XIRP2: variants seen among roughly 807,000 people sequenced by gnomAD.
The protein encoded by XIRP2 is xin actin-binding repeat-containing protein 2.
In XIRP2, 236 loss-of-function variants were observed where a neutral mutation model predicts 277.0. That is an observed-to-expected ratio of 0.85 (90% CI 0.77 to 0.95). XIRP2 has a LOEUF of 0.95. Among genes scored for constraint, XIRP2 ranks in the 40% least tolerant of loss-of-function variants. The pLI is 0.00. For synonymous variants in XIRP2, 1,490 were observed against 1,416.5 expected (o/e 1.05, Z -1.17); for missense variants, 4,640 against 4,157.5 (o/e 1.12, Z -3.19).
At chr2:166,936,845 A>G (rs1238705198) in intron 2 of XIRP2, among the ~76,000 whole-genome samples, 2 of 152,136 alleles carry the variant, frequency 1.3e-5, no homozygotes, top group Non-Finnish European at 1.5e-5. Context: ...GTCAGGTAGC[A>G]TGATGCCTCC....
At chr2:167,233,161 A>T (rs1694807432) in intron 5 of XIRP2, among the ~76,000 whole-genome samples, 1 of 151,972 alleles carries the variant, frequency 6.6e-6, no homozygotes, top group Non-Finnish European at 1.5e-5. Context: ...TTTCATGCCT[A>T]TAGAATGCAT....
chr2:167,250,403 A>G lies in XIRP2; in HGVS notation c.9011A>G (p.Asn3004Ser). Residue 3004 changes from asparagine (N) to serine (S), a missense_variant, in exon 9 of 11, where the codon AAT becomes AGT. Asn to Ser is a conservative substitution (Grantham distance 46). Coordinates refer to ENST00000409195, the MANE Select transcript of XIRP2 (RefSeq NM_152381.6). ...EYAVHIAMENNLEKVKEEITH... is the reference protein window; with the variant it reads ...EYAVHIAMENSLEKVKEEITH... ...GCAGTTCACATTGCCATGGAGAATA[A>G]TTTAGAAAAAGTAAAAGAAGAAATA... 1 of 1,613,558 alleles carries G rather than the reference A, an allele frequency of 6.2e-7. No individual in the cohort carries two copies. The highest frequency in any genetic ancestry group is 8.5e-7 in the Non-Finnish European group (1 of 1,179,690).
At chr2:167,097,241 A>G (rs918195327) in intron 2 of XIRP2, among the ~76,000 whole-genome samples, 1 of 152,186 alleles carries the variant, frequency 6.6e-6, no homozygotes, top group Non-Finnish European at 1.5e-5. Flanking sequence ...TATTAGGTGC[A>G]TATGTATTTG....
intron 2 of XIRP2, among the ~76,000 whole-genome samples, chr2:167,090,944 A>G (rs1234981939): frequency 6.6e-6 from 1 of 152,138 alleles, no homozygotes. Context: ...TTTGGTGAGG[A>G]CAAACAGACC....
In XIRP2 at chr2:167,254,111, A is replaced by G. The variant is rs767976685; in HGVS notation, c.10635A>G (p.Gln3545=). 1.2e-6 allele frequency: 2 copies of G among 1,610,986 alleles called. No homozygotes were observed. The highest frequency in any genetic ancestry group is 1.3e-5 in the African/African-American group (1 of 74,882). The change falls in exon 10 of 11, where the codon CAA becomes CAG. Residue 3545 remains glutamine (Q), a synonymous_variant. Transcript: ENST00000409195. Reference sequence around the variant, plus strand: ...CCAATGGAGTGCCTAGTGGCAGACAAGCAGAATTTTCATAAGTCCTGCTTC... The same window carrying G: ...CCAATGGAGTGCCTAGTGGCAGACAGGCAGAATTTTCATAAGTCCTGCTTC... ...SLSNGVPSGR[Q]AEFS is the part of the protein sequence containing the mutation.
At chr2:167,173,616 C>T (rs1230977624) in intron 3 of XIRP2, among the ~76,000 whole-genome samples, 2 of 152,136 alleles carry the variant, frequency 1.3e-5, no homozygotes, top group Non-Finnish European at 2.9e-5. Context: ...CTCTTCAATA[C>T]ATTGATTTCC....
Position 167,251,843 on chromosome 2 carries a change from G to A in XIRP2, c.10451G>A (p.Trp3484Ter), listed in dbSNP as rs1559046323. The A allele has an allele frequency of 6.2e-7, 1 of 1,612,918 alleles. No individual in the cohort carries two copies. The highest frequency in any genetic ancestry group is 8.5e-7 in the Non-Finnish European group (1 of 1,179,410). Residue 3484 changes from tryptophan (W) to a stop codon, truncating the protein, a stop_gained, in exon 9 of 11, where the codon TGG becomes TAG. Transcript: ENST00000409195. LOFTEE classifies it high-confidence loss of function. ...KEVRKNFQKTWQESGRVFKGL... is the reference protein window; with the variant it reads ...KEVRKNFQKT ...GTAAGAAAAAATTTTCAAAAGACGT[G>A]GCAAGAGAGTGGAAGAGTTTTTAAA...
At position 167,249,492 on chromosome 2, in the gene XIRP2, A is replaced by G. The variant is rs1288078793; in HGVS notation, c.8100A>G (p.Gln2700=). 3.7e-6 allele frequency: 6 copies of G among 1,613,738 alleles called. No individual in the cohort carries two copies. The highest frequency in any genetic ancestry group is 1.3e-5 in the African/African-American group (1 of 74,886). The change falls in exon 9 of 11, where the codon CAA becomes CAG. Residue 2700 remains glutamine (Q), a synonymous_variant. Transcript: ENST00000409195. ...KKYLEQLHLP[Q]SKPISPNFKV... ...ATTTGGAGCAGTTGCACTTGCCCCA[A>G]AGCAAACCAATTTCCCCAAATTTCA...
intron 2 of XIRP2, among the ~76,000 whole-genome samples, chr2:167,096,944 C>T (rs543635341): frequency 2.6e-5 from 4 of 152,056 alleles, no homozygotes; most frequent in African/African-American, 4.8e-5. Context: ...TTGCATTTGC[C>T]GAGGAGTGTT....
intron 2 of XIRP2, among the ~76,000 whole-genome samples, chr2:167,059,450 A>T (rs866803442): frequency 7.1e-6 from 1 of 140,300 alleles, no homozygotes. Context: ...ACATGTGGAA[A>T]AAAATAAAAT....
chr2:167,250,560 A>G lies in XIRP2; in HGVS notation c.9168A>G (p.Val3056=), dbSNP rs1695453244. ...PTSLDETSSK[V]SNVHVSNNKN... ...GTCTTGATGAAACATCATCCAAAGT[A>G]TCTAATGTTCATGTCAGCAATAATA... The change falls in exon 9 of 11, where the codon GTA becomes GTG. Residue 3056 remains valine, a synonymous_variant. Transcript: ENST00000409195. 3.1e-6 allele frequency: 5 copies of G among 1,613,640 alleles called. No individual in the cohort carries two copies. The highest frequency in any genetic ancestry group is 1.7e-4 in the Middle Eastern group (1 of 6,058).
chr2:167,062,876 A>C (rs1045484748), intron 2 of XIRP2, among the ~76,000 whole-genome samples: 2 of 151,720 alleles, frequency 1.3e-5, no homozygotes, highest in African/African-American at 4.8e-5. Flanking sequence ...AATTTCACTG[A>C]TCTTTTCAAA....
chr2:167,204,762 G>C (rs544990029), intron 3 of XIRP2, among the ~76,000 whole-genome samples: 2 of 151,812 alleles, frequency 1.3e-5, no homozygotes, highest in Non-Finnish European at 2.9e-5. Context: ...AAACAAACAC[G>C]CGTATTTATT....
At chr2:167,106,297 AT>A (rs1690616176) in intron 2 of XIRP2, among the ~76,000 whole-genome samples, 1 of 151,596 alleles carries the variant, frequency 6.6e-6, no homozygotes, top group African/African-American at 2.4e-5. Flanking sequence ...AAAGTTTTAT[AT>A]TTTTACATGT....
intron 2 of XIRP2, among the ~76,000 whole-genome samples, chr2:167,120,784 T>C (rs541412969): frequency 1.2e-3 from 186 of 152,254 alleles, no homozygotes; most frequent in Non-Finnish European, 2.0e-3. Flanking sequence ...CCCTATTAGG[T>C]TCATATTTTG....
intron 3 of XIRP2, among the ~76,000 whole-genome samples, chr2:167,189,592 C>G (rs1327080959): frequency 6.6e-6 from 1 of 152,154 alleles, no homozygotes; most frequent in Non-Finnish European, 1.5e-5. Flanking sequence ...AGGTTCATCC[C>G]TCACAGAACG....
chr2:167,245,291 T>C lies in XIRP2; in HGVS notation c.3899T>C (p.Ile1300Thr). The change falls in exon 9 of 11, where the codon ATT becomes ACT. Residue 1300 changes from isoleucine (I) to threonine (T), a missense_variant. Coordinates refer to ENST00000409195, the MANE Select transcript of XIRP2 (RefSeq NM_152381.6). Reference protein sequence around the residue: ...ESDYISTKKTITEEVIQGDVK... With the variant: ...ESDYISTKKTTTEEVIQGDVK... ...GACTATATCAGCACCAAGAAAACAA[T>C]TACTGAAGAAGTAATACAGGGTGAT... is the stretch of plus-strand genomic sequence containing the variant. 6.2e-7 allele frequency: 1 copy of C among 1,613,488 alleles called. No homozygotes were observed. The highest frequency in any genetic ancestry group is 1.3e-5 in the African/African-American group (1 of 74,962).
chr2:166,951,602 T>C (rs1214980931), intron 2 of XIRP2, among the ~76,000 whole-genome samples: 1 of 152,018 alleles, frequency 6.6e-6, no homozygotes, highest in Non-Finnish European at 1.5e-5. Flanking sequence ...GTTGGCAATC[T>C]GTATGTGTCA....
At chr2:167,216,768 C>A (rs1343429762) in intron 4 of XIRP2, among the ~76,000 whole-genome samples, 2 of 91,788 alleles carry the variant, frequency 2.2e-5, no homozygotes, top group Non-Finnish European at 3.7e-5. Flanking sequence ...TTTGACCCAG[C>A]CATCCCATTA....
Sources: allele counts gnomAD v4.1 joint callset (sites outside exome capture counted in the v4.1 genomes callset), GRCh38; gene constraint gnomAD v4.1.1; transcripts MANE v1.5; gene names NCBI Gene and HGNC (gene_info 2026-07-23, HGNC 2026-07-21).